Variants in CDH9 observed in about 807,000 individuals in gnomAD.
The protein encoded by CDH9 is cadherin-9.
A neutral mutation model predicts 70.9 loss-of-function variants in CDH9; 28 were observed. The ratio of observed to expected loss-of-function variants is 0.40; its 90% CI spans 0.29 to 0.54. The LOEUF is 0.54. Ranked by LOEUF, CDH9 falls within the 20% of genes least tolerant of loss-of-function variation. The pLI is 0.59. For synonymous variants in CDH9, 409 were observed against 343.1 expected (o/e 1.19, Z -2.12); for missense variants, 874 against 984.4 (o/e 0.89, Z 1.50).
intron 7 of CDH9, among the ~76,000 whole-genome samples, chr5:26,902,083 C>T (rs142287315): frequency 1.2e-3 from 179 of 151,944 alleles, no homozygotes; most frequent in African/African-American, 3.8e-3. Flanking sequence ...ACAAGGACTA[C>T]GGCAACAATA....
intron 2 of CDH9, among the ~76,000 whole-genome samples, chr5:26,923,069 T>TAAAAAAAA (rs56883597): frequency 4.2e-5 from 4 of 95,056 alleles, no homozygotes; most frequent in South Asian, 3.5e-4. Flanking sequence ...TTACATGAAT[T>TAAAAAAAA]AAAAAAAAAA....
chr5:26,989,160 T>C (rs1742538758), intron 1 of CDH9, among the ~76,000 whole-genome samples: 2 of 152,076 alleles, frequency 1.3e-5, no homozygotes, highest in Admixed American at 1.3e-4. Flanking sequence ...ACGTATAGGA[T>C]AATCTGATCC....
At chr5:26,915,318 A>T (rs1298369959) in intron 3 of CDH9, among the ~76,000 whole-genome samples, 1 of 152,010 alleles carries the variant, frequency 6.6e-6, no homozygotes, top group African/African-American at 2.4e-5. Context: ...ACTATCTATT[A>T]TTCTTTTGAT....
At chr5:26,998,957 G>A (rs569267056) in intron 1 of CDH9, among the ~76,000 whole-genome samples, 5 of 151,918 alleles carry the variant, frequency 3.3e-5, no homozygotes, top group South Asian at 2.1e-4. Flanking sequence ...TTTTAAAAAC[G>A]CACATGAGGC....
chr5:26,963,937 T>C (rs1377468994), intron 2 of CDH9, among the ~76,000 whole-genome samples: 3 of 152,072 alleles, frequency 2.0e-5, no homozygotes, highest in Non-Finnish European at 4.4e-5. Flanking sequence ...AAACAATTAA[T>C]CTATGTTTCT....
intron 1 of CDH9, among the ~76,000 whole-genome samples, chr5:27,000,112 GA>G (rs1742739067): frequency 6.6e-6 from 1 of 151,910 alleles, no homozygotes; most frequent in Non-Finnish European, 1.5e-5. Flanking sequence ...CAGACTGGAA[GA>G]AAATATTTGT....
At chr5:27,025,640 G>T (rs1363695849) in intron 1 of CDH9, among the ~76,000 whole-genome samples, 2 of 151,984 alleles carry the variant, frequency 1.3e-5, no homozygotes, top group African/African-American at 4.8e-5. Flanking sequence ...TGTGTAATTA[G>T]GTTCCTTCTT....
chr5:26,982,876 G>T (rs1020820790), intron 2 of CDH9, among the ~76,000 whole-genome samples: 5 of 151,816 alleles, frequency 3.3e-5, no homozygotes, highest in Non-Finnish European at 5.9e-5. Context: ...TAGTAGAGAT[G>T]GGGTTTCACC....
At chr5:26,964,696 T>C (rs1742098484) in intron 2 of CDH9, among the ~76,000 whole-genome samples, 1 of 152,112 alleles carries the variant, frequency 6.6e-6, no homozygotes, top group Non-Finnish European at 1.5e-5. Flanking sequence ...GTTTGTTACA[T>C]AGGTATACAC....
intron 2 of CDH9, among the ~76,000 whole-genome samples, chr5:26,954,388 C>CTTTTTTTTTTTT (rs59882843): frequency 0.023 from 2,152 of 92,872 alleles, 460 homozygotes; most frequent in African/African-American, 0.083. Flanking sequence ...TACAGCCTTT[C>CTTTTTTTTTTTT]TTTTTTTTTT....
At chr5:26,932,788 A>G (rs558786534) in intron 2 of CDH9, among the ~76,000 whole-genome samples, 15 of 151,834 alleles carry the variant, frequency 9.9e-5, no homozygotes, top group African/African-American at 3.4e-4. Flanking sequence ...CATATTTGTA[A>G]GTATTTTCTA....
intron 2 of CDH9, among the ~76,000 whole-genome samples, chr5:26,917,727 A>C (rs1741172844): frequency 6.6e-6 from 1 of 152,090 alleles, no homozygotes; most frequent in Admixed American, 6.5e-5. Flanking sequence ...CCTTCATCTT[A>C]TCTTCTCTGG....
chr5:26,982,250 G>A (rs1252989068), intron 2 of CDH9, among the ~76,000 whole-genome samples: 2 of 152,010 alleles, frequency 1.3e-5, no homozygotes, highest in Non-Finnish European at 2.9e-5. Context: ...TGGTGGAAGT[G>A]TAAAACAAAA....
intron 7 of CDH9, chr5:26,890,782 A>G (rs1386448391): frequency 8.9e-6 from 4 of 450,134 alleles, no homozygotes; most frequent in East Asian, 7.2e-5. Context: ...GTACTTTAGA[A>G]CTGTTATTTA....
At chr5:27,001,931 T>C (rs969959634) in intron 1 of CDH9, among the ~76,000 whole-genome samples, 1 of 150,500 alleles carries the variant, frequency 6.6e-6, no homozygotes, top group African/African-American at 2.5e-5. Flanking sequence ...GTTGGAACAA[T>C]TCACAGTGAC....
chr5:26,938,384 T>C (rs1741598056), intron 2 of CDH9, among the ~76,000 whole-genome samples: 1 of 151,966 alleles, frequency 6.6e-6, no homozygotes, highest in Admixed American at 6.6e-5. Flanking sequence ...GATGCTTGTA[T>C]ATTCAAAAAA....
chr5:26,959,560 T>G (rs148839055), intron 2 of CDH9, among the ~76,000 whole-genome samples: 2 of 152,228 alleles, frequency 1.3e-5, no homozygotes, highest in East Asian at 3.9e-4. Flanking sequence ...ATGTAAATGT[T>G]CAAAGCTGCC....
In CDH9 at chr5:26,883,433, G is replaced by A. The variant is rs142188501; in HGVS notation, c.1883-1810C>T. The stretch of plus-strand genomic sequence containing the variant: ...TTGAGGTTATTAATCTGGGGCACGT[G>A]AACAGAATTCAGGAAGAATAGGATA... On this transcript the variant is annotated intron_variant, in intron 11 of 11. Coordinates refer to ENST00000231021, the MANE Select transcript of CDH9 (RefSeq NM_016279.4). 1.6e-3 allele frequency among the ~76,000 whole-genome samples: 242 copies of A among 151,664 alleles called. 2 individuals carry two copies. The highest frequency in any genetic ancestry group is 4.2e-3 in the African/African-American group (172 of 41,378).
intron 1 of CDH9, among the ~76,000 whole-genome samples, chr5:27,032,180 A>G (rs1743320794): frequency 6.6e-6 from 1 of 151,622 alleles, no homozygotes; most frequent in Non-Finnish European, 1.5e-5. Flanking sequence ...TATTTTTAAG[A>G]GCACTTTATT....
Sources: allele counts gnomAD v4.1 joint callset (sites outside exome capture counted in the v4.1 genomes callset), GRCh38; gene constraint gnomAD v4.1.1; transcripts MANE v1.5; gene names NCBI Gene and HGNC (gene_info 2026-07-23, HGNC 2026-07-21).